Variants in IKZF1 observed in about 807,000 individuals in gnomAD.
IKZF1 encodes IKAROS family zinc finger 1, also known as DNA-binding protein Ikaros.
In IKZF1, 10 loss-of-function variants were observed where a neutral mutation model predicts 51.7. That is an observed-to-expected ratio of 0.19 (90% CI 0.12 to 0.33). The LOEUF (loss-of-function observed/expected upper bound fraction) is 0.33. Ranked by LOEUF, IKZF1 falls within the 10% of genes least tolerant of loss-of-function variation. The pLI, the probability that IKZF1 is intolerant of heterozygous loss-of-function variation, is 1.00. For synonymous variants in IKZF1, 280 were observed against 282.3 expected (o/e 0.99, Z 0.08); for missense variants, 484 against 707.5 (o/e 0.68, Z 3.58).
At position 50,391,769 on chromosome 7, in the gene IKZF1, C is replaced by T. The variant is rs765754909; in HGVS notation, c.756C>T (p.Asp252=). 1 of 1,613,970 alleles carries T rather than the reference C, an allele frequency of 6.2e-7. No homozygotes were observed. Among genetic ancestry groups the T allele is most frequent in the South Asian group, 1.1e-5 (1 of 91,080 alleles). Residue 252 remains aspartate (D), a synonymous_variant, in exon 7 of 8, where the codon GAC becomes GAT. Transcript: ENST00000331340. ...EETNHSEMAE[D]LCKIGSERSL... is the part of the protein sequence containing the mutation. ...CTAATCACAGTGAAATGGCAGAAGACCTGTGCAAGATAGGATCAGAGAGAT... is the reference window on the plus strand; with the variant it reads ...CTAATCACAGTGAAATGGCAGAAGATCTGTGCAAGATAGGATCAGAGAGAT...
At chr7:50,350,419 A>C (rs767939916) in intron 3 of IKZF1, among the ~76,000 whole-genome samples, 1 of 152,188 alleles carries the variant, frequency 6.6e-6, no homozygotes, top group Non-Finnish European at 1.5e-5. Flanking sequence ...CCATCTGGGA[A>C]TTTAGTGAAC....
intron 3 of IKZF1, among the ~76,000 whole-genome samples, chr7:50,335,219 G>GGTGTGTATGTGTGTGAGAT: frequency 6.7e-6 from 1 of 149,620 alleles, no homozygotes; most frequent in Non-Finnish European, 1.5e-5. Flanking sequence ...TGGGATGTAT[G>GGTGTGTATGTGTGTGAGAT]GTGTGTATGT....
At chr7:50,391,516 T>C (rs1815054299) in intron 6 of IKZF1, among the ~76,000 whole-genome samples, 1 of 152,220 alleles carries the variant, frequency 6.6e-6, no homozygotes, top group South Asian at 2.1e-4. Flanking sequence ...GGTGAGCAGC[T>C]GTTGGAGGAA....
rs1316207172 is a variant in IKZF1 at position 50,404,623 on chromosome 7, A to G, written c.*3996A>G. On this transcript the variant is annotated 3_prime_UTR_variant, in exon 8 of 8. Coordinates refer to ENST00000331340, the MANE Select transcript of IKZF1 (RefSeq NM_006060.6). Reference sequence around the variant, plus strand: ...TGTGGCCAGCGCAGCAGTTCAGCACAACGTACCTCCCATCTACAACAGTGC... The same window carrying G: ...TGTGGCCAGCGCAGCAGTTCAGCACGACGTACCTCCCATCTACAACAGTGC... The G allele has an allele frequency of 4.3e-6, 1 of 229,886 alleles. No individual in the cohort carries two copies. The highest frequency in any genetic ancestry group is 8.6e-6 in the Non-Finnish European group (1 of 115,860). The allele number at this position is 229,886 out of a possible 1,614,324, so 14.2% of individuals were successfully genotyped here. A position where few individuals can be genotyped will look rare whatever the true frequency, so the allele number is the denominator to read the frequency against.
chr7:50,383,206 C>T (rs1008297469), intron 5 of IKZF1, among the ~76,000 whole-genome samples: 1 of 152,160 alleles, frequency 6.6e-6, no homozygotes, highest in African/African-American at 2.4e-5. Context: ...CCCCGTGTGG[C>T]TCTCACACCA....
chr7:50,396,468 A>G (rs574855084), intron 7 of IKZF1, among the ~76,000 whole-genome samples: 20 of 152,334 alleles, frequency 1.3e-4, no homozygotes, highest in Admixed American at 8.5e-4. Context: ...TACTTTTAAA[A>G]TTGATTCCAT....
chr7:50,347,295 T>G, intron 3 of IKZF1, among the ~76,000 whole-genome samples: 1 of 152,162 alleles, frequency 6.6e-6, no homozygotes, highest in East Asian at 1.9e-4. Context: ...AAAGATAAAG[T>G]TAGCATACCT....
intron 3 of IKZF1, among the ~76,000 whole-genome samples, chr7:50,369,930 A>T (rs1246407616): frequency 6.6e-6 from 1 of 152,256 alleles, no homozygotes; most frequent in Non-Finnish European, 1.5e-5. Flanking sequence ...ATATTAAGTT[A>T]TAATAAATGG....
In IKZF1 at chr7:50,400,719, G is replaced by T. The variant is rs2153520143; in HGVS notation, c.*92G>T. 2.9e-6 allele frequency: 4 copies of T among 1,375,524 alleles called. No individual in the cohort carries two copies. In the East Asian group the frequency reaches 7.5e-5, roughly 26 times the overall value. The allele number at this position is 1,375,524 out of a possible 1,614,324, so 85.2% of individuals were successfully genotyped here. ...TCGCTCCCGCCAGCAGCATAGACTGGACTGGACCAGACAATGTTGTGTTTG... is the reference window on the plus strand; with the variant it reads ...TCGCTCCCGCCAGCAGCATAGACTGTACTGGACCAGACAATGTTGTGTTTG... On this transcript the variant is annotated 3_prime_UTR_variant, in exon 8 of 8. Coordinates refer to ENST00000331340, the MANE Select transcript of IKZF1 (RefSeq NM_006060.6). The surrounding 1 kb of genome is among the most constrained non-coding windows in gnomAD (Gnocchi z 5.4).
intron 3 of IKZF1, among the ~76,000 whole-genome samples, chr7:50,375,712 C>T (rs868445304): frequency 7.7e-6 from 1 of 130,008 alleles, no homozygotes; most frequent in African/African-American, 2.9e-5. Context: ...CCCACCCCCC[C>T]CCCCCACCCA....
intron 2 of IKZF1, 191 bp from the exon 3 acceptor site, chr7:50,327,447 C>A (rs1036275977): frequency 2.0e-6 from 1 of 508,240 alleles, no homozygotes; most frequent in African/African-American, 1.9e-5. Flanking sequence ...CATCTATGTT[C>A]TCTCATTTGT....
Position 50,368,220 on chromosome 7 carries a change from A to G in IKZF1, c.161-8313A>G, listed in dbSNP as rs190815823. 8.4e-5 allele frequency: 59 copies of G among 703,266 alleles called. No individual in the cohort carries two copies. In the Admixed American group the frequency reaches 1.0e-3, roughly 12 times the overall value. 43.6% of individuals were successfully genotyped at this position (703,266 alleles called of 1,614,324 possible). Reference sequence around the variant, plus strand: ...CCTACCATATCATTTTTGGGTATTTATACCATAAAGTGCAAAACGAAGGTC... The same window carrying G: ...CCTACCATATCATTTTTGGGTATTTGTACCATAAAGTGCAAAACGAAGGTC... On this transcript the variant is annotated intron_variant, in intron 3 of 7. Coordinates refer to ENST00000331340, the MANE Select transcript of IKZF1 (RefSeq NM_006060.6).
chr7:50,397,965 A>T (rs537495453), intron 7 of IKZF1, among the ~76,000 whole-genome samples: 1 of 152,260 alleles, frequency 6.6e-6, no homozygotes, highest in Non-Finnish European at 1.5e-5. Flanking sequence ...AAAATAAGAC[A>T]TGAAACTCAA....
At chr7:50,387,300 G>C in intron 5 of IKZF1, 45 bp from the exon 6 acceptor site, 1 of 1,592,592 alleles carries the variant, frequency 6.3e-7, no homozygotes, top group Non-Finnish European at 8.6e-7. Context: ...TACACAGAAG[G>C]CTGGCATTTA....
At chr7:50,383,580 C>T (rs1009129835) in intron 5 of IKZF1, among the ~76,000 whole-genome samples, 3 of 152,182 alleles carry the variant, frequency 2.0e-5, no homozygotes, top group Non-Finnish European at 4.4e-5. Context: ...TCCTTCATAC[C>T]GTCCAGTTGG....
At chr7:50,330,099 C>T (rs1050820560) in intron 3 of IKZF1, among the ~76,000 whole-genome samples, 2 of 152,156 alleles carry the variant, frequency 1.3e-5, no homozygotes, top group African/African-American at 2.4e-5. Flanking sequence ...GTCCTGCCCT[C>T]GGTCCCAGCT....
At chr7:50,308,443 G>A (rs1051286273) in intron 1 of IKZF1, among the ~76,000 whole-genome samples, 8 of 152,326 alleles carry the variant, frequency 5.3e-5, no homozygotes, top group African/African-American at 1.9e-4. Context: ...TCACAGGTGT[G>A]GGGGCCATTT....
In IKZF1 at chr7:50,361,768, C is replaced by T. The variant is rs184691023; in HGVS notation, c.161-14765C>T. 5.5e-3 allele frequency among the ~76,000 whole-genome samples: 842 copies of T among 152,022 alleles called. 11 individuals carry two copies. The highest frequency in any genetic ancestry group is 0.019 in the African/African-American group (808 of 41,450). On this transcript the variant is annotated intron_variant, in intron 3 of 7. Transcript: ENST00000331340. ...GTGCGCGCCTGTAGTCCCAGCTACC[C>T]GGGAGGCTGAGGCAGGAGAATCACT... is the stretch of plus-strand genomic sequence containing the variant.
At chr7:50,391,940 G>T in intron 7 of IKZF1, 77 bp downstream of exon 7, 7 of 1,449,502 alleles carry the variant, frequency 4.8e-6, no homozygotes, top group South Asian at 1.5e-5. Context: ...TGAGTTGAGG[G>T]TGGAAGAAAG....
Sources: allele counts gnomAD v4.1 joint callset (sites outside exome capture counted in the v4.1 genomes callset), GRCh38; gene constraint gnomAD v4.1.1; non-coding constraint Gnocchi (gnomAD v3.1); transcripts MANE v1.5; gene names NCBI Gene and HGNC (gene_info 2026-07-23, HGNC 2026-07-21).